Variants in NME7 observed in about 807,000 individuals in gnomAD.
NME7 encodes the protein nucleoside diphosphate kinase 7.
Under a neutral mutation model 49.1 loss-of-function variants are expected in NME7, and 41 were observed. The ratio of observed to expected loss-of-function variants is 0.83; its 90% CI spans 0.65 to 1.08. The LOEUF (loss-of-function observed/expected upper bound fraction) is 1.08, where lower values mean the gene tolerates loss of function less well. NME7 is among the 50% of genes least tolerant of loss of function. NME7 has a pLI of 0.00. For missense variants in NME7, 423 were observed against 463.4 expected (o/e 0.91, Z 0.80); for synonymous variants, 139 against 150.6 (o/e 0.92, Z 0.56).
intron 10 of NME7, among the ~76,000 whole-genome samples, chr1:169,172,291 A>C (rs1245563493): frequency 7.2e-5 from 11 of 151,900 alleles, no homozygotes; most frequent in Non-Finnish European, 1.5e-4. Flanking sequence ...AAAAAAACAA[A>C]AAAAAAACAA....
chr1:169,325,052 G>T (rs1460035745), intron 1 of NME7, among the ~76,000 whole-genome samples: 1 of 151,998 alleles, frequency 6.6e-6, no homozygotes, highest in Non-Finnish European at 1.5e-5. Flanking sequence ...CTCTGAAAAT[G>T]AATGTGAAGA....
chr1:169,239,075 G>C (rs1647978512), intron 7 of NME7, among the ~76,000 whole-genome samples: 1 of 151,910 alleles, frequency 6.6e-6, no homozygotes, highest in Admixed American at 6.6e-5. Flanking sequence ...AAGAAACACT[G>C]CCAAAAGAAA....
chr1:169,168,376 A>AT (rs1394931452), intron 11 of NME7, among the ~76,000 whole-genome samples: 2 of 152,150 alleles, frequency 1.3e-5, no homozygotes, highest in African/African-American at 2.4e-5. Context: ...CTGCAGACCC[A>AT]TATGAATTTG....
intron 7 of NME7, among the ~76,000 whole-genome samples, chr1:169,240,258 C>A (rs1417577466): frequency 6.6e-6 from 1 of 151,360 alleles, no homozygotes; most frequent in African/African-American, 2.4e-5. Context: ...GTGATCTAAG[C>A]CAAAAGGTCA....
Position 169,274,343 on chromosome 1 carries a change from T to C in NME7, c.754+12960A>G, listed in dbSNP as rs577900868. On this transcript the variant is annotated intron_variant, in intron 7 of 11. Coordinates refer to ENST00000367811, the MANE Select transcript of NME7 (RefSeq NM_013330.5). The stretch of plus-strand genomic sequence containing the variant: ...TTTTTTTCTTGTAAATTTGTTTGAG[T>C]TCATTGTAGATTCTGGATATTAGCC... Among the ~76,000 whole-genome samples the C allele has an allele frequency of 1.3e-4, 17 of 133,336 alleles. 4 individuals carry two copies. In the East Asian group the frequency reaches 3.4e-3, roughly 26 times the overall value. The allele number at this position is 133,336 out of a possible 152,430, so 87.5% of individuals were successfully genotyped here.
At chr1:169,288,496 T>C (rs569614180) in intron 6 of NME7, among the ~76,000 whole-genome samples, 20 of 152,290 alleles carry the variant, frequency 1.3e-4, no homozygotes, top group African/African-American at 4.6e-4. Context: ...AAAATCCACA[T>C]ATAAGTAGAC....
intron 1 of NME7, among the ~76,000 whole-genome samples, chr1:169,343,642 C>T (rs1389226138): frequency 6.6e-6 from 1 of 152,082 alleles, no homozygotes; most frequent in African/African-American, 2.4e-5. Flanking sequence ...CAGGCACATG[C>T]CACCATGCCT....
At chr1:169,294,368 A>T (rs1451152011) in intron 6 of NME7, among the ~76,000 whole-genome samples, 1 of 152,182 alleles carries the variant, frequency 6.6e-6, no homozygotes, top group Admixed American at 6.5e-5. Context: ...GGAATGATGA[A>T]AATAATGCTA....
chr1:169,208,048 C>A (rs1571291943), intron 10 of NME7, among the ~76,000 whole-genome samples: 1 of 152,112 alleles, frequency 6.6e-6, no homozygotes, highest in Non-Finnish European at 1.5e-5. Context: ...CAGATGCCCT[C>A]TTTTGGAGAT....
At chr1:169,234,942 G>C (rs755409463) in intron 9 of NME7, among the ~76,000 whole-genome samples, 189 bp downstream of exon 9, 3 of 152,016 alleles carry the variant, frequency 2.0e-5, no homozygotes, top group African/African-American at 7.2e-5. Context: ...AATTTGGCTC[G>C]CTCTCTCCTG....
chr1:169,312,285 G>A (rs1472837287), intron 3 of NME7, among the ~76,000 whole-genome samples: 1 of 152,114 alleles, frequency 6.6e-6, no homozygotes. Context: ...ATCAACCAAT[G>A]TACAGGCAAT....
At chr1:169,208,198 TA>T (rs1660723518) in intron 10 of NME7, among the ~76,000 whole-genome samples, 1 of 152,182 alleles carries the variant, frequency 6.6e-6, no homozygotes, top group African/African-American at 2.4e-5. Context: ...ATTGCAATTA[TA>T]AGACTTTATT....
chr1:169,287,345 T>C lies in NME7; in HGVS notation c.712A>G (p.Asn238Asp), dbSNP rs755297272. 29 of 1,611,532 alleles carry C rather than the reference T, an allele frequency of 1.8e-5. No homozygotes were observed. In the Admixed American group the frequency reaches 4.7e-4, roughly 26 times the overall value. ...CGPANTAKFT[N>D]CTCCIVKPHA... ...GGTTTAACAATGCAACAGGTACAATTAGTAAATTTAGCAGTGTTTGCCGGC... is the reference window on the plus strand; with the variant it reads ...GGTTTAACAATGCAACAGGTACAATCAGTAAATTTAGCAGTGTTTGCCGGC... Residue 238 changes from asparagine to aspartate, a missense_variant, in exon 7 of 12, where the codon AAT becomes GAT. Asn to Asp is a conservative substitution (Grantham distance 23). Transcript: ENST00000367811.
chr1:169,187,214 T>C (rs1660091009), intron 10 of NME7, among the ~76,000 whole-genome samples: 1 of 151,662 alleles, frequency 6.6e-6, no homozygotes, highest in Non-Finnish European at 1.5e-5. Context: ...ATGTGGGTGC[T>C]GAGAAGAATG....
chr1:169,247,218 G>A (rs1222818595), intron 7 of NME7, among the ~76,000 whole-genome samples: 2 of 152,132 alleles, frequency 1.3e-5, no homozygotes, highest in Non-Finnish European at 2.9e-5. Context: ...GTGTAAGATT[G>A]GGTAAATAGG....
In NME7 at chr1:169,298,780, A is replaced by G; in HGVS notation, c.441-17T>C. The G allele has an allele frequency of 6.2e-7, 1 of 1,603,528 alleles. No individual in the cohort carries two copies. The highest frequency in any genetic ancestry group is 8.5e-7 in the Non-Finnish European group (1 of 1,172,594). On this transcript the variant is annotated splice_polypyrimidine_tract_variant and intron_variant, in intron 5 of 11. Coordinates refer to ENST00000367811, the MANE Select transcript of NME7 (RefSeq NM_013330.5). ...ATCAGCTCACTACAAAACAGATAGA[A>G]GATTAGTTTGCTTCTTTTTTCTGTC...
At chr1:169,149,912 C>T (rs939579194) in intron 11 of NME7, among the ~76,000 whole-genome samples, 1 of 152,178 alleles carries the variant, frequency 6.6e-6, no homozygotes, top group Admixed American at 6.5e-5. Flanking sequence ...TTATTGAATT[C>T]GGATTATACA....
At chr1:169,342,646 ATAC>A in intron 1 of NME7, among the ~76,000 whole-genome samples, 1 of 66,944 alleles carries the variant, frequency 1.5e-5, no homozygotes, top group South Asian at 4.6e-4. Context: ...GTATATATAT[ATAC>A]AAGTACATAT....
rs74965699 is a variant in NME7, at chr1:169,329,517, C to T, written c.4-5017G>A. Among the ~76,000 whole-genome samples, 1,383 of 149,688 alleles carry T rather than the reference C, an allele frequency of 9.2e-3. 31 individuals are homozygous for T. Among genetic ancestry groups the T allele is most frequent in the African/African-American group, 0.032 (1,323 of 40,728 alleles). On this transcript the variant is annotated intron_variant, in intron 1 of 11. Coordinates refer to ENST00000367811, the MANE Select transcript of NME7 (RefSeq NM_013330.5). The stretch of plus-strand genomic sequence containing the variant: ...TGAGATTGAAATAATTAAAAAGAAT[C>T]AAGCAGAAATTCTGGAGCTGAAAAA...
Sources: allele counts gnomAD v4.1 joint callset (sites outside exome capture counted in the v4.1 genomes callset), GRCh38; gene constraint gnomAD v4.1.1; transcripts MANE v1.5; gene names NCBI Gene and HGNC (gene_info 2026-07-23, HGNC 2026-07-21).